The following USP32 variants were observed in gnomAD, a reference collection of about 807,000 sequenced individuals.
USP32 encodes the protein ubiquitin specific peptidase 32.
In USP32, 59 loss-of-function variants were observed where a neutral mutation model predicts 204.8. The ratio of observed to expected loss-of-function variants is 0.29; its 90% CI spans 0.23 to 0.36. USP32 has a LOEUF of 0.36. USP32 is among the 10% of genes least tolerant of loss of function. USP32 has a pLI of 1.00. For synonymous variants in USP32, 517 were observed against 678.4 expected (o/e 0.76, Z 3.70); for missense variants, 1,160 against 1,946.4 (o/e 0.60, Z 7.60).
intron 1 of USP32, among the ~76,000 whole-genome samples, chr17:60,351,281 C>T (rs2146026062): frequency 6.6e-6 from 1 of 152,238 alleles, no homozygotes; most frequent in Non-Finnish European, 1.5e-5. Context: ...AACCTTTTAG[C>T]AACTCCCGGG....
intron 2 of USP32, among the ~76,000 whole-genome samples, chr17:60,336,978 A>G (rs1029934311): frequency 6.6e-6 from 1 of 152,212 alleles, no homozygotes; most frequent in Non-Finnish European, 1.5e-5. Flanking sequence ...TCATTTTACT[A>G]TTACAACAGT....
At chr17:60,387,218 A>G (rs2089747095) in intron 1 of USP32, among the ~76,000 whole-genome samples, 1 of 152,258 alleles carries the variant, frequency 6.6e-6, no homozygotes, top group South Asian at 2.1e-4. Flanking sequence ...TTTAAGATTA[A>G]TACTGAGAAA....
chr17:60,231,461 T>C (rs1384855158), intron 12 of USP32: 1 of 448,290 alleles, frequency 2.2e-6, no homozygotes, highest in Non-Finnish European at 4.6e-6. Context: ...AGAGGCTTCA[T>C]TTGTAAATTC....
intron 28 of USP32, among the ~76,000 whole-genome samples, chr17:60,191,421 AAAAAAG>A (rs1186918611): frequency 6.8e-6 from 1 of 147,460 alleles, no homozygotes; most frequent in Non-Finnish European, 1.5e-5. Flanking sequence ...AAAAAAAAAA[AAAAAAG>A]TTTATAGAGT....
At chr17:60,394,037 G>A (rs968361915), upstream of USP32, among the ~76,000 whole-genome samples, 2 of 152,192 alleles carry the variant, frequency 1.3e-5, no homozygotes, top group African/African-American at 2.4e-5. Context: ...CAGCAGCGTG[G>A]CATTAGTCAC....
chr17:60,402,221 C>A (rs949060458), intron 1 of USP32, among the ~76,000 whole-genome samples: 3 of 150,278 alleles, frequency 2.0e-5, no homozygotes, highest in Admixed American at 6.7e-5. Flanking sequence ...TTTTCTCCAT[C>A]CTCAATATTC....
intron 1 of USP32, among the ~76,000 whole-genome samples, chr17:60,415,752 T>C (rs1351342260): frequency 2.0e-5 from 3 of 152,216 alleles, no homozygotes; most frequent in East Asian, 3.8e-4. Flanking sequence ...TCTTGGAGTC[T>C]TTATACAATT....
upstream of USP32, among the ~76,000 whole-genome samples, chr17:60,393,992 G>A (rs145423121): frequency 6.6e-6 from 1 of 152,134 alleles, no homozygotes; most frequent in Non-Finnish European, 1.5e-5. Flanking sequence ...CCAATATTTC[G>A]TGTTTTTCTA....
At chr17:60,272,199 G>A (rs1295392164) in intron 5 of USP32, among the ~76,000 whole-genome samples, 3 of 152,122 alleles carry the variant, frequency 2.0e-5, no homozygotes, top group Non-Finnish European at 4.4e-5. Flanking sequence ...ACATCATAAT[G>A]GCAGGACCTA....
At chr17:60,320,937 G>A (rs1183711467) in intron 2 of USP32, among the ~76,000 whole-genome samples, 3 of 152,072 alleles carry the variant, frequency 2.0e-5, no homozygotes, top group Non-Finnish European at 4.4e-5. Flanking sequence ...AGGAGAATGG[G>A]ACAAATTCTC....
chr17:60,302,568 A>G (rs1468229737), intron 2 of USP32, among the ~76,000 whole-genome samples: 2 of 152,222 alleles, frequency 1.3e-5, no homozygotes, highest in Non-Finnish European at 1.5e-5. Flanking sequence ...AATCCCAGGT[A>G]AGTAGAGGAG....
intron 2 of USP32, among the ~76,000 whole-genome samples, chr17:60,343,263 G>A (rs983304148): frequency 6.6e-6 from 1 of 151,562 alleles, no homozygotes; most frequent in Non-Finnish European, 1.5e-5. Flanking sequence ...GGTTAACAAG[G>A]ATATCCGGGA....
chr17:60,358,613 T>A (rs1370088150), intron 1 of USP32, among the ~76,000 whole-genome samples: 1 of 152,144 alleles, frequency 6.6e-6, no homozygotes, highest in Non-Finnish European at 1.5e-5. Flanking sequence ...GTAATAGTCC[T>A]CTGTGCTTCA....
chr17:60,331,276 T>C (rs531834241), intron 2 of USP32, among the ~76,000 whole-genome samples: 1 of 152,312 alleles, frequency 6.6e-6, no homozygotes, highest in East Asian at 1.9e-4. Context: ...TAAAACTGCA[T>C]ATACTTAGAC....
At chr17:60,230,711 C>T (rs1567786608) in intron 12 of USP32, among the ~76,000 whole-genome samples, 1 of 152,224 alleles carries the variant, frequency 6.6e-6, no homozygotes, top group South Asian at 2.1e-4. Context: ...CAGCACAACT[C>T]AGGTTCCTTC....
chr17:60,191,800 C>A (rs147029535), intron 28 of USP32, among the ~76,000 whole-genome samples: 2 of 152,106 alleles, frequency 1.3e-5, no homozygotes, highest in Non-Finnish European at 2.9e-5. Context: ...TGAGCCACCA[C>A]GCCTGGCCAA....
intron 27 of USP32, 28 bp from the exon 28 acceptor site, chr17:60,192,958 T>TA: frequency 6.2e-7 from 1 of 1,611,468 alleles, no homozygotes; most frequent in Non-Finnish European, 8.5e-7. Context: ...AAAAAGAGTG[T>TA]AAGAAGCATT....
intron 1 of USP32, among the ~76,000 whole-genome samples, chr17:60,364,930 A>G (rs2089283453): frequency 6.6e-6 from 1 of 152,242 alleles, no homozygotes; most frequent in Non-Finnish European, 1.5e-5. Flanking sequence ...AAAGCCACAA[A>G]TAACAACATG....
intron 12 of USP32, 107 bp from the exon 13 acceptor site, chr17:60,226,338 T>C (rs556194253): frequency 1.3e-4 from 133 of 1,037,248 alleles, no homozygotes; most frequent in Non-Finnish European, 1.6e-4. Flanking sequence ...TCTCCTGTGG[T>C]TGGCCACAGA....
Sources: allele counts gnomAD v4.1 joint callset (sites outside exome capture counted in the v4.1 genomes callset), GRCh38; gene constraint gnomAD v4.1.1; transcripts MANE v1.5; gene names NCBI Gene and HGNC (gene_info 2026-07-23, HGNC 2026-07-21).